B3GALT1: variants seen among roughly 807,000 people sequenced by gnomAD.
B3GALT1 encodes UDP-Gal:betaGlcNAc beta 1,3-galactosyltransferase, polypeptide 1.
B3GALT1 carries 10 observed loss-of-function variants against 23.2 expected under a neutral mutation model. The ratio of observed to expected loss-of-function variants is 0.43; its 90% CI spans 0.27 to 0.73. B3GALT1 has a LOEUF of 0.73. Ranked by LOEUF, B3GALT1 falls within the 30% of genes least tolerant of loss-of-function variation. The pLI, the probability that B3GALT1 is intolerant of heterozygous loss-of-function variation, is 0.21. For missense variants in B3GALT1, 299 were observed against 405.4 expected (o/e 0.74, Z 2.25); for synonymous variants, 156 against 141.5 (o/e 1.10, Z -0.73).
At chr2:167,760,538 CA>C (rs1211293656) in intron 3 of B3GALT1, among the ~76,000 whole-genome samples, 1 of 152,194 alleles carries the variant, frequency 6.6e-6, no homozygotes, top group Non-Finnish European at 1.5e-5. Flanking sequence ...ATTGAAATGA[CA>C]AGAAGGATCT....
At chr2:167,647,726 T>A (rs560335076) in intron 3 of B3GALT1, among the ~76,000 whole-genome samples, 1 of 152,176 alleles carries the variant, frequency 6.6e-6, no homozygotes, top group East Asian at 1.9e-4. Context: ...TAGTTCTTTT[T>A]CCCAGTCACT....
intron 2 of B3GALT1, among the ~76,000 whole-genome samples, chr2:167,574,332 T>C (rs1684347592): frequency 6.6e-6 from 1 of 151,694 alleles, no homozygotes; most frequent in Non-Finnish European, 1.5e-5. Flanking sequence ...TTGAAGCCAC[T>C]AAATCTACAT....
intron 4 of B3GALT1, among the ~76,000 whole-genome samples, chr2:167,836,109 A>G (rs750634410): frequency 7.9e-5 from 12 of 152,214 alleles, no homozygotes; most frequent in Non-Finnish European, 1.5e-4. Flanking sequence ...ACTGGAAACT[A>G]AAAAGCAGAG....
chr2:167,559,336 T>C (rs1263284528), intron 2 of B3GALT1, among the ~76,000 whole-genome samples: 1 of 151,796 alleles, frequency 6.6e-6, no homozygotes, highest in East Asian at 1.9e-4. Flanking sequence ...CAAAAGTAGA[T>C]AAAACCACAA....
chr2:167,586,040 G>A (rs1021004339), intron 2 of B3GALT1, among the ~76,000 whole-genome samples: 6 of 152,186 alleles, frequency 3.9e-5, no homozygotes, highest in African/African-American at 1.4e-4. Flanking sequence ...TCTAGGTAAA[G>A]CGCCATTTTT....
chr2:167,834,669 C>A (rs1055485027), intron 4 of B3GALT1, among the ~76,000 whole-genome samples: 1 of 152,040 alleles, frequency 6.6e-6, no homozygotes, highest in Non-Finnish European at 1.5e-5. Flanking sequence ...GCCAATATGG[C>A]AAAACCCCAT....
At chr2:167,508,530 T>C (rs1182507866) in intron 2 of B3GALT1, among the ~76,000 whole-genome samples, 1 of 152,150 alleles carries the variant, frequency 6.6e-6, no homozygotes, top group Non-Finnish European at 1.5e-5. Flanking sequence ...AGTGCTGGGA[T>C]TACAGGCGTG....
chr2:167,462,088 T>C (rs1223395603), intron 1 of B3GALT1, among the ~76,000 whole-genome samples: 2 of 152,210 alleles, frequency 1.3e-5, no homozygotes, highest in African/African-American at 2.4e-5. Context: ...ATACACACCA[T>C]TGTATATTTC....
chr2:167,502,846 C>T (rs1463408465), intron 2 of B3GALT1, among the ~76,000 whole-genome samples: 1 of 152,134 alleles, frequency 6.6e-6, no homozygotes, highest in African/African-American at 2.4e-5. Flanking sequence ...CGAGACCAGC[C>T]TAGCCAACAT....
intron 2 of B3GALT1, among the ~76,000 whole-genome samples, chr2:167,510,648 A>C (rs1400026483): frequency 6.6e-6 from 1 of 152,122 alleles, no homozygotes; most frequent in Non-Finnish European, 1.5e-5. Context: ...AGTATCAAAG[A>C]TGATTTTCAG....
At chr2:167,614,018 G>A (rs4667959) in intron 2 of B3GALT1, among the ~76,000 whole-genome samples, 104,405 of 151,336 alleles carry the variant, frequency 0.69, 37,728 homozygotes, top group Admixed American at 0.82. Flanking sequence ...CACTACTCTC[G>A]TTTAATATTT....
Position 167,798,065 on chromosome 2 carries a change from T to C in B3GALT1, c.-351-20607T>C, listed in dbSNP as rs541670833. Among the ~76,000 whole-genome samples, 61 of 152,320 alleles carry C rather than the reference T, an allele frequency of 4.0e-4. 1 individual carries two copies. The South Asian group carries it at 0.011, about 28-fold the overall frequency. On this transcript the variant is annotated intron_variant, in intron 3 of 4. Transcript: ENST00000392690. ...CTATGACATTGAGCTTTTTATCATATGTTTGTTGGTTGCATGAATGTCTTC... is the reference window on the plus strand; with the variant it reads ...CTATGACATTGAGCTTTTTATCATACGTTTGTTGGTTGCATGAATGTCTTC...
chr2:167,309,451 CTA>C (rs1350546463), intron 1 of B3GALT1, among the ~76,000 whole-genome samples: 6 of 151,990 alleles, frequency 3.9e-5, no homozygotes, highest in Non-Finnish European at 8.8e-5. Context: ...TGGTATTATT[CTA>C]TGTTTATGAA....
chr2:167,357,147 T>C (rs1413732016), intron 1 of B3GALT1, among the ~76,000 whole-genome samples: 6 of 152,058 alleles, frequency 3.9e-5, no homozygotes, highest in Non-Finnish European at 5.9e-5. Flanking sequence ...AAAAAGTGTA[T>C]AATACATAAC....
intron 2 of B3GALT1, among the ~76,000 whole-genome samples, chr2:167,568,155 A>C (rs1477488827): frequency 2.0e-5 from 3 of 152,118 alleles, no homozygotes; most frequent in Non-Finnish European, 4.4e-5. Context: ...GGTTGTTTCC[A>C]AGTTTTGGCA....
In B3GALT1 at chr2:167,687,002, C is replaced by G. The variant is rs1232623542; in HGVS notation, c.-352+40036C>G. ...AAGAGATCTTTATTGTCATACAATA[C>G]TTTTCAATATTCTGCCGTGGGTGTG... On this transcript the variant is annotated intron_variant, in intron 3 of 4. Transcript: ENST00000392690. 2.0e-5 allele frequency among the ~76,000 whole-genome samples: 3 copies of G among 152,294 alleles called. 1 individual carries two copies. In the South Asian group the frequency reaches 6.2e-4, roughly 32 times the overall value.
chr2:167,712,873 GCATT>G (rs1574226345), intron 3 of B3GALT1, among the ~76,000 whole-genome samples: 1 of 152,110 alleles, frequency 6.6e-6, no homozygotes, highest in Admixed American at 6.5e-5. Flanking sequence ...GAAAAATAAT[GCATT>G]CAATGTTAAA....
At chr2:167,695,466 C>T (rs1686778267) in intron 3 of B3GALT1, among the ~76,000 whole-genome samples, 1 of 152,134 alleles carries the variant, frequency 6.6e-6, no homozygotes, top group Non-Finnish European at 1.5e-5. Flanking sequence ...GCTTAAAACT[C>T]TTCAGTTGCT....
intron 1 of B3GALT1, among the ~76,000 whole-genome samples, chr2:167,368,886 A>G (rs1697632993): frequency 6.6e-6 from 1 of 151,832 alleles, no homozygotes; most frequent in African/African-American, 2.4e-5. Flanking sequence ...TAGGTATTGC[A>G]TGCTTCCCCC....
Sources: allele counts gnomAD v4.1 joint callset (sites outside exome capture counted in the v4.1 genomes callset), GRCh38; gene constraint gnomAD v4.1.1; transcripts MANE v1.5; gene names NCBI Gene and HGNC (gene_info 2026-07-23, HGNC 2026-07-21).